CELF2: variants seen among roughly 807,000 people sequenced by gnomAD.
The protein encoded by CELF2 is CUG triplet repeat RNA-binding protein 2.
Under a neutral mutation model 62.6 loss-of-function variants are expected in CELF2, and 8 were observed. The observed-to-expected ratio is 0.13, with a 90% CI of 0.07 to 0.23. The LOEUF (loss-of-function observed/expected upper bound fraction) is 0.23, where lower values mean the gene tolerates loss of function less well. Among genes scored for constraint, CELF2 ranks in the 10% least tolerant of loss-of-function variants. The pLI is 1.00. For missense variants in CELF2, 333 were observed against 671.0 expected (o/e 0.50, Z 5.56); for synonymous variants, 258 against 250.0 (o/e 1.03, Z -0.30).
At chr10:10,925,701 G>A (rs1439753561) in intron 2 of CELF2, among the ~76,000 whole-genome samples, 1 of 152,126 alleles carries the variant, frequency 6.6e-6, no homozygotes, top group Non-Finnish European at 1.5e-5. Flanking sequence ...GTCAGAGTGG[G>A]TAAGTACAGG....
the CELF2 span, among the ~76,000 whole-genome samples, chr10:10,705,773 C>T: frequency 6.6e-6 from 1 of 152,292 alleles, no homozygotes; most frequent in Non-Finnish European, 1.5e-5. Flanking sequence ...CATTTGGCAA[C>T]CTCGTAACAC....
the CELF2 span, among the ~76,000 whole-genome samples, chr10:10,666,717 C>T: frequency 3.2e-5 from 4 of 123,542 alleles, 1 homozygote; most frequent in African/African-American, 1.4e-4. Context: ...AAAAAATTAG[C>T]CGGGCGTGGT....
rs1345959137 is a variant in CELF2 at position 11,330,444 on chromosome 10, T to C, written c.*1391T>C. ...CTGTGTAACTTTTTACTCTTCCTTG[T>C]TTTTTCCCTAGACATCTTCATGCCC... On this transcript the variant is annotated 3_prime_UTR_variant, in exon 13 of 13. Coordinates refer to ENST00000633077, the MANE Select transcript of CELF2 (RefSeq NM_001326342.2). This position sits in a 1 kb window ranked among gnomAD's most constrained non-coding sequence, Gnocchi z 4.5. 1 of 152,510 alleles carries C rather than the reference T, an allele frequency of 6.6e-6. No homozygotes were observed. The highest frequency in any genetic ancestry group is 2.4e-5 in the African/African-American group (1 of 41,456). The allele number at this position is 152,510 out of a possible 1,614,324, so 9.4% of individuals were successfully genotyped here. A position where few individuals can be genotyped will look rare whatever the true frequency, so the allele number is the denominator to read the frequency against.
intron 1 of CELF2, among the ~76,000 whole-genome samples, chr10:10,854,441 T>C (rs960391144): frequency 6.6e-6 from 1 of 152,118 alleles, no homozygotes; most frequent in Non-Finnish European, 1.5e-5. Context: ...TCGAAGTGAG[T>C]TTATAGGCAT....
intron 1 of CELF2, among the ~76,000 whole-genome samples, chr10:11,155,927 G>A (rs1417540688): frequency 6.6e-6 from 1 of 152,178 alleles, no homozygotes; most frequent in Non-Finnish European, 1.5e-5. Flanking sequence ...GTTGAGGAGA[G>A]ACCAGCCTGA....
At chr10:10,506,081 T>C in the CELF2 span, among the ~76,000 whole-genome samples, 1 of 39,304 alleles carries the variant, frequency 2.5e-5, no homozygotes, top group African/African-American at 5.1e-5. Context: ...TATTCTCTCA[T>C]TTTTTTTTTT....
rs2069186916 is a variant in CELF2, at chr10:11,232,605, G to A, written c.354+15098G>A. ...TGCTGAAGATGTTTGAGTTCTTGGG[G>A]TGATCTTTGTAGCTCCTCCTGAGAT... is the stretch of plus-strand genomic sequence containing the variant. On this transcript the variant is annotated intron_variant, in intron 3 of 12. Transcript: ENST00000633077. 4.6e-5 allele frequency among the ~76,000 whole-genome samples: 7 copies of A among 152,148 alleles called. No homozygotes were observed. In the South Asian group the frequency reaches 1.4e-3, roughly 32 times the overall value.
the CELF2 span, among the ~76,000 whole-genome samples, chr10:10,741,277 C>G: frequency 6.6e-6 from 1 of 152,036 alleles, no homozygotes; most frequent in South Asian, 2.1e-4. Context: ...CTTTGGAAGG[C>G]CGAGGCAGGC....
chr10:11,236,117 A>C (rs2071170300), intron 3 of CELF2, among the ~76,000 whole-genome samples: 1 of 152,242 alleles, frequency 6.6e-6, no homozygotes, highest in Non-Finnish European at 1.5e-5. Context: ...TGGCAAAGCA[A>C]CTCAGACAAC....
At chr10:10,599,924 G>A in the CELF2 span, among the ~76,000 whole-genome samples, 1 of 151,718 alleles carries the variant, frequency 6.6e-6, no homozygotes, top group South Asian at 2.1e-4. Flanking sequence ...GTAGAGATGG[G>A]GTTTCACCCT....
the CELF2 span, among the ~76,000 whole-genome samples, chr10:10,713,758 G>A: frequency 2.0e-5 from 3 of 152,290 alleles, no homozygotes; most frequent in South Asian, 6.2e-4. Context: ...GGATAGGCCG[G>A]GCACGGTGGC....
At chr10:10,727,122 C>A in the CELF2 span, among the ~76,000 whole-genome samples, 7 of 152,184 alleles carry the variant, frequency 4.6e-5, no homozygotes, top group African/African-American at 1.7e-4. Context: ...TCCGGCCAGG[C>A]CCCGCTTCCA....
the CELF2 span, among the ~76,000 whole-genome samples, chr10:10,483,663 T>C: frequency 6.6e-6 from 1 of 152,174 alleles, no homozygotes; most frequent in East Asian, 1.9e-4. Context: ...GTCAGATCTC[T>C]CTATGATCAA....
In CELF2 at chr10:10,957,209, C is replaced by T. The variant is rs1460920946; in HGVS notation, c.89+37210C>T. 6.6e-6 allele frequency among the ~76,000 whole-genome samples: 1 copy of T among 152,194 alleles called. No individual in the cohort carries two copies. The highest frequency in any genetic ancestry group is 1.9e-4 in the East Asian group (1 of 5,190). ...AAGTCTTAGTCTCTTTACCATTTAA[C>T]CAGTTTCCCACTAATTCACTCAAAC... On this transcript the variant is annotated intron_variant, in intron 2 of 13. Transcript: ENST00000636488. This position sits in a 1 kb window ranked among gnomAD's most constrained non-coding sequence, Gnocchi z 4.1.
rs1177817724 is a variant in CELF2 at position 11,010,997 on chromosome 10, ATTT to A, written c.53+5560_53+5562del. On this transcript the variant is annotated intron_variant, in intron 1 of 12. Transcript: ENST00000416382. This position sits in a 1 kb window ranked among gnomAD's most constrained non-coding sequence, Gnocchi z 4.1. ...GCATCTAGGAAGGAAGAAAGGAAACATTTTTGAAAGTACCAATGTAGATTCTAA... is the reference window on the plus strand; with the variant it reads ...GCATCTAGGAAGGAAGAAAGGAAACATTGAAAGTACCAATGTAGATTCTAA... 1 of 152,248 alleles carries A rather than the reference ATTT, an allele frequency of 6.6e-6. No individual in the cohort carries two copies. Among genetic ancestry groups the A allele is most frequent in the African/African-American group, 2.4e-5 (1 of 41,456 alleles). The allele number at this position is 152,248 out of a possible 1,614,324, so 9.4% of individuals were successfully genotyped here. A position where few individuals can be genotyped will look rare whatever the true frequency, so the allele number is the denominator to read the frequency against.
intron 10 of CELF2, chr10:11,317,495 T>A (rs1219193489): frequency 6.6e-6 from 1 of 152,248 alleles, no homozygotes; most frequent in African/African-American, 2.4e-5. Flanking sequence ...TAATCCGTCA[T>A]CTATACAAAG....
At chr10:10,853,746 G>A (rs1362239370) in intron 1 of CELF2, among the ~76,000 whole-genome samples, 1 of 152,084 alleles carries the variant, frequency 6.6e-6, no homozygotes, top group Non-Finnish European at 1.5e-5. Context: ...CTCGGCATGA[G>A]GCAGATGCCA....
At chr10:10,855,145 A>T (rs1431341982) in intron 1 of CELF2, among the ~76,000 whole-genome samples, 1 of 152,146 alleles carries the variant, frequency 6.6e-6, no homozygotes, top group Non-Finnish European at 1.5e-5. Flanking sequence ...TCTGCATGGG[A>T]CACACAAGCT....
At chr10:10,750,989 A>G in the CELF2 span, among the ~76,000 whole-genome samples, 2 of 152,238 alleles carry the variant, frequency 1.3e-5, no homozygotes, top group African/African-American at 4.8e-5. Context: ...TACAGAAATA[A>G]CAAACATTCC....
Sources: gnomAD v4.1 joint callset for allele counts (sites outside exome capture counted in the v4.1 genomes callset) on GRCh38, gnomAD v4.1.1 for gene constraint, Gnocchi (gnomAD v3.1) non-coding constraint, MANE v1.5 for transcripts, NCBI Gene and HGNC (gene_info 2026-07-23, HGNC 2026-07-21) for gene names.